Variants in CDC14A observed in about 807,000 individuals in gnomAD.
CDC14A encodes cell division cycle 14A.
CDC14A carries 53 observed loss-of-function variants against 74.4 expected under a neutral mutation model. The observed-to-expected ratio is 0.71, with a 90% CI of 0.57 to 0.89. The LOEUF is 0.89. Among genes scored for constraint, CDC14A ranks in the 40% least tolerant of loss-of-function variants. The probability of loss-of-function intolerance (pLI) is 0.00; values close to 1 mark genes in which losing one functional copy is unlikely to be tolerated. For missense variants in CDC14A, 646 were observed against 713.7 expected (o/e 0.91, Z 1.08); for synonymous variants, 247 against 258.4 (o/e 0.96, Z 0.43).
intron 10 of CDC14A, among the ~76,000 whole-genome samples, chr1:100,483,837 G>A (rs569325424): frequency 1.3e-5 from 2 of 152,248 alleles, no homozygotes; most frequent in African/African-American, 4.8e-5. Context: ...CCACCCAAAA[G>A]TAGGTATGCA....
At chr1:100,439,900 G>A in intron 5 of CDC14A, 32 bp from the exon 6 acceptor site, 1 of 1,515,888 alleles carries the variant, frequency 6.6e-7, no homozygotes, top group Non-Finnish European at 9.2e-7. Flanking sequence ...CTAAATGCAA[G>A]TTTTTAATGT....
intron 8 of CDC14A, among the ~76,000 whole-genome samples, chr1:100,457,275 A>AT (rs774534107): frequency 4.6e-5 from 7 of 151,694 alleles, no homozygotes; most frequent in South Asian, 4.2e-4. Context: ...TTTGAAAAAA[A>AT]TTTTTTTTTA....
intron 7 of CDC14A, among the ~76,000 whole-genome samples, chr1:100,451,412 A>T (rs1186459337): frequency 6.6e-6 from 1 of 152,228 alleles, no homozygotes; most frequent in Non-Finnish European, 1.5e-5. Flanking sequence ...CTCCCTCAAA[A>T]GCAAGTCTAA....
intron 2 of CDC14A, among the ~76,000 whole-genome samples, chr1:100,377,036 G>GTTT (rs60831530): frequency 2.2e-5 from 3 of 138,250 alleles, no homozygotes; most frequent in African/African-American, 5.3e-5. Context: ...AATTAGTTCT[G>GTTT]TTTTTTTTTT....
intron 3 of CDC14A, among the ~76,000 whole-genome samples, chr1:100,379,945 G>C (rs1655858369): frequency 6.6e-6 from 1 of 152,138 alleles, no homozygotes; most frequent in Non-Finnish European, 1.5e-5. Context: ...ATGGCACCGA[G>C]CCGTTCATGA....
At chr1:100,420,033 C>CATATATATACATATAT (rs1349627424) in intron 4 of CDC14A, among the ~76,000 whole-genome samples, 6 of 39,094 alleles carry the variant, frequency 1.5e-4, no homozygotes, top group South Asian at 9.4e-4. Flanking sequence ...TACATATATA[C>CATATATATACATATAT]ACACACACAC....
chr1:100,399,698 T>C (rs994371487), intron 4 of CDC14A, among the ~76,000 whole-genome samples: 3 of 152,112 alleles, frequency 2.0e-5, no homozygotes, highest in African/African-American at 7.2e-5. Context: ...TAAGTGCTAT[T>C]AGCCTCCATT....
intron 4 of CDC14A, among the ~76,000 whole-genome samples, chr1:100,396,366 A>G (rs1400188174): frequency 6.6e-6 from 1 of 152,216 alleles, no homozygotes; most frequent in Non-Finnish European, 1.5e-5. Flanking sequence ...AACACTATCA[A>G]TTTAGAGCTG....
intron 4 of CDC14A, among the ~76,000 whole-genome samples, chr1:100,406,880 C>T (rs1389880032): frequency 1.3e-5 from 2 of 150,664 alleles, no homozygotes; most frequent in African/African-American, 4.9e-5. Flanking sequence ...GAGCTGAGAT[C>T]GTGCCATTGG....
At position 100,365,961 on chromosome 1, in the gene CDC14A, C is replaced by CACAG. The variant is rs1488788571; in HGVS notation, c.141-11582_141-11581insGACA. Among the ~76,000 whole-genome samples, 6 of 152,118 alleles carry CACAG rather than the reference C, an allele frequency of 3.9e-5. No individual in the cohort carries two copies. In the East Asian group the frequency reaches 1.2e-3, roughly 29 times the overall value. ...AATTTTACACACACACACACACACACACACACACACACACACGGTCTCATT... is the reference window on the plus strand; with the variant it reads ...AATTTTACACACACACACACACACACACAGACACACACACACACACGGTCTCATT... On this transcript the variant is annotated intron_variant, in intron 2 of 15. Transcript: ENST00000336454.
intron 4 of CDC14A, among the ~76,000 whole-genome samples, chr1:100,407,298 G>T (rs1324875896): frequency 6.6e-6 from 1 of 152,112 alleles, no homozygotes; most frequent in Non-Finnish European, 1.5e-5. Context: ...GGGCAGTATG[G>T]CCATTTTCAC....
chr1:100,399,304 T>A (rs1385280670), intron 4 of CDC14A, among the ~76,000 whole-genome samples: 1 of 152,178 alleles, frequency 6.6e-6, no homozygotes, highest in Non-Finnish European at 1.5e-5. Flanking sequence ...TCTTTCAAAA[T>A]TTTTTATAAT....
chr1:100,474,453 G>A (rs1235973754), intron 10 of CDC14A, among the ~76,000 whole-genome samples: 1 of 152,014 alleles, frequency 6.6e-6, no homozygotes, highest in East Asian at 1.9e-4. Flanking sequence ...AATTATCTGG[G>A]CCTGGGGATT....
intron 4 of CDC14A, among the ~76,000 whole-genome samples, chr1:100,406,946 A>G (rs1660031460): frequency 6.6e-6 from 1 of 150,794 alleles, no homozygotes; most frequent in Non-Finnish European, 1.5e-5. Context: ...AAAAAAAAAA[A>G]GAAAAAGGCA....
Position 100,457,626 on chromosome 1 carries a change from G to T in CDC14A, c.607+2134G>T, listed in dbSNP as rs12057397. ...AGGCACAGCCCACCACACCTGGCTG[G>T]TTTTTTTTTTTTTTTTTAATTTTTA... On this transcript the variant is annotated intron_variant, in intron 8 of 15. Transcript: ENST00000336454. Among the ~76,000 whole-genome samples, 639 of 140,708 alleles carry T rather than the reference G, an allele frequency of 4.5e-3. 9 individuals carry two copies. The highest frequency in any genetic ancestry group is 0.014 in the African/African-American group (564 of 39,094). The allele number at this position is 140,708 out of a possible 152,430, so 92.3% of individuals were successfully genotyped here. A position where few individuals can be genotyped will look rare whatever the true frequency, so the allele number is the denominator to read the frequency against.
In CDC14A at chr1:100,404,425, T is replaced by A. The variant is rs57319800; in HGVS notation, c.309+13601T>A. On this transcript the variant is annotated intron_variant, in intron 4 of 15. Coordinates refer to ENST00000336454, the MANE Select transcript of CDC14A (RefSeq NM_003672.4). ...CTGTGCCTATCTTCCCAAACCCCCG[T>A]AACAAATGCTTGTAGGGGCTTTGAA... 7.2e-3 allele frequency among the ~76,000 whole-genome samples: 1,102 copies of A among 152,336 alleles called. 13 individuals are homozygous for A. The highest frequency in any genetic ancestry group is 0.026 in the African/African-American group (1,062 of 41,582).
At chr1:100,500,690 G>C (rs1648596609) in intron 15 of CDC14A, among the ~76,000 whole-genome samples, 1 of 143,662 alleles carries the variant, frequency 7.0e-6, no homozygotes, top group African/African-American at 2.6e-5. Context: ...GGTGGAAGCT[G>C]CAGTGAGCCA....
intron 4 of CDC14A, among the ~76,000 whole-genome samples, chr1:100,412,725 T>TATATATAAAA (rs1553178979): frequency 3.6e-5 from 3 of 82,956 alleles, no homozygotes; most frequent in African/African-American, 1.8e-4. Flanking sequence ...TATATATATT[T>TATATATAAAA]TATATATATA....
chr1:100,512,110 G>T (rs1019484247), intron 15 of CDC14A, among the ~76,000 whole-genome samples: 6 of 151,902 alleles, frequency 3.9e-5, no homozygotes, highest in Admixed American at 1.3e-4. Context: ...GACCTGGCTC[G>T]ATAGTTATCT....
Sources: allele counts gnomAD v4.1 joint callset (sites outside exome capture counted in the v4.1 genomes callset), GRCh38; gene constraint gnomAD v4.1.1; transcripts MANE v1.5; gene names NCBI Gene and HGNC (gene_info 2026-07-23, HGNC 2026-07-21).